MRPL33: variants seen among roughly 807,000 people sequenced by gnomAD.
The protein encoded by MRPL33 is large ribosomal subunit protein bL33m.
Under a neutral mutation model 10.1 loss-of-function variants are expected in MRPL33, and 5 were observed. That is an observed-to-expected ratio of 0.49 (90% confidence interval 0.26 to 1.04). The LOEUF (loss-of-function observed/expected upper bound fraction) is 1.04, where lower values mean the gene tolerates loss of function less well. MRPL33 is among the 50% of genes least tolerant of loss of function. MRPL33 has a pLI of 0.14. For missense variants in MRPL33, 79 were observed against 78.1 expected (o/e 1.01, Z -0.04); for synonymous variants, 24 against 27.7 (o/e 0.87, Z 0.42).
At chr2:27,772,439 G>C in intron 1 of MRPL33, 1 of 446,746 alleles carries the variant, frequency 2.2e-6, no homozygotes, top group Non-Finnish European at 3.9e-6. Context: ...ATGAAATTAT[G>C]CAAAATATTA....
rs1468121605 is a variant in MRPL33, at chr2:27,779,536, A to G, written c.*54A>G. On this transcript the variant is annotated 3_prime_UTR_variant, in exon 4 of 4. Coordinates refer to ENST00000296102, the MANE Select transcript of MRPL33 (RefSeq NM_004891.4). ...TAAAGAGAAGACTGAGGGCGGGGAT[A>G]CTGATTCAGAAATCCTGTAGCGTGT... The G allele has an allele frequency of 1.9e-6, 3 of 1,611,556 alleles. No individual in the cohort carries two copies. The African/African-American group carries it at 4.0e-5, about 22-fold the overall frequency.
chr2:27,775,465 C>T (rs895473097), intron 3 of MRPL33, among the ~76,000 whole-genome samples: 2 of 150,490 alleles, frequency 1.3e-5, no homozygotes, highest in Non-Finnish European at 1.5e-5. Flanking sequence ...GATTCTCCTG[C>T]TTCAGCCTCC....
chr2:27,772,789 G>A (rs1363816336), intron 2 of MRPL33, 97 bp downstream of exon 2: 3 of 955,766 alleles, frequency 3.1e-6, no homozygotes, highest in African/African-American at 3.4e-5. Flanking sequence ...ATTAAGCATT[G>A]GGCCTTGATT....
rs567419524 is a variant in MRPL33 at position 27,778,022 on chromosome 2, C to T, written c.149-1411C>T. 3.3e-4 allele frequency among the ~76,000 whole-genome samples: 50 copies of T among 152,346 alleles called. No individual in the cohort carries two copies. The South Asian group carries it at 7.0e-3, about 21-fold the overall frequency. ...GTTTTAGGAGGATCAATCCTACTTA[C>T]ATTTCACATGATTTGAAGTATGTTA... On this transcript the variant is annotated intron_variant, in intron 3 of 3. Transcript: ENST00000296102.
Position 27,772,699 on chromosome 2 carries a change from AAAGAT to A in MRPL33, c.41+8_41+12del. The A allele has an allele frequency of 6.2e-7, 1 of 1,600,382 alleles. No homozygotes were observed. The highest frequency in any genetic ancestry group is 8.5e-7 in the Non-Finnish European group (1 of 1,170,438). ...TTGCCAAGAGCAAGTCAAAGTAAGT[AAAGAT>A]TTTTCCTTTTTTAAACGTCACTTGT... On this transcript the variant is annotated splice_region_variant and intron_variant, in intron 2 of 3. Transcript: ENST00000296102.
chr2:27,777,198 G>C (rs1352106699), intron 3 of MRPL33, among the ~76,000 whole-genome samples: 1 of 151,894 alleles, frequency 6.6e-6, no homozygotes, highest in African/African-American at 2.4e-5. Flanking sequence ...TTAAAAATAG[G>C]TTTTTGGTTT....
In MRPL33 at chr2:27,779,700, A is replaced by G. The variant is rs560702150; in HGVS notation, c.*218A>G. ...ATCACATTTATTTATCTTTCTGGGT[A>G]TTTTTATAGCCCTTAATAAAAAATA... On this transcript the variant is annotated 3_prime_UTR_variant, in exon 4 of 4. Coordinates refer to ENST00000296102, the MANE Select transcript of MRPL33 (RefSeq NM_004891.4). 14 of 825,348 alleles carry G rather than the reference A, an allele frequency of 1.7e-5. No homozygotes were observed. Among genetic ancestry groups the G allele is most frequent in the Non-Finnish European group, 2.5e-5 (14 of 569,002 alleles). The allele number at this position is 825,348 out of a possible 1,614,324, so 51.1% of individuals were successfully genotyped here.
rs1677181521 is a variant in MRPL33, at chr2:27,776,739, AT to A, written c.148+2213del. Among the ~76,000 whole-genome samples, 4 of 152,364 alleles carry A rather than the reference AT, an allele frequency of 2.6e-5. No individual in the cohort carries two copies. In the South Asian group the frequency reaches 8.3e-4, roughly 32 times the overall value. On this transcript the variant is annotated intron_variant, in intron 3 of 3. Coordinates refer to ENST00000296102, the MANE Select transcript of MRPL33 (RefSeq NM_004891.4). ...ATAGACTGTAATTGAAGCAGAATCG[AT>A]TTTGGTTAGATGTAGGGAGAGAACT...
Position 27,779,570 on chromosome 2 carries a change from A to G in MRPL33, c.*88A>G. The stretch of plus-strand genomic sequence containing the variant: ...GAAATCCTGTAGCGTGTAATAAAAG[A>G]AGAGGAAATGGCATGGAATCACTGC... On this transcript the variant is annotated 3_prime_UTR_variant, in exon 4 of 4. Transcript: ENST00000296102. 9 of 1,592,934 alleles carry G rather than the reference A, an allele frequency of 5.6e-6. No homozygotes were observed. Among genetic ancestry groups the G allele is most frequent in the Non-Finnish European group, 7.7e-6 (9 of 1,174,176 alleles).
At position 27,771,795 on chromosome 2, in the gene MRPL33, C is replaced by G. The variant is rs1333655643; in HGVS notation, c.18C>G (p.Val6=). 21 of 1,613,796 alleles carry G rather than the reference C, an allele frequency of 1.3e-5. No individual in the cohort carries two copies. The highest frequency in any genetic ancestry group is 5.3e-5 in the African/African-American group (4 of 74,932). Residue 6 remains valine (V), a synonymous_variant, in exon 1 of 4, where the codon GTC becomes GTG. Transcript: ENST00000296102. MFLSA[V]FFAKSKSKNI... ...TGGTCACCATGTTCCTCTCCGCGGTCTTCTGTAAGTGGGGCTGGAGACGCC... is the reference window on the plus strand; with the variant it reads ...TGGTCACCATGTTCCTCTCCGCGGTGTTCTGTAAGTGGGGCTGGAGACGCC...
intron 1 of MRPL33, 197 bp downstream of exon 1, chr2:27,771,996 A>T: frequency 1.7e-6 from 1 of 603,276 alleles, no homozygotes; most frequent in South Asian, 2.0e-5. Context: ...TGGGTGCCTG[A>T]GAAGGGGTCT....
Position 27,779,637 on chromosome 2 carries a change from T to C in MRPL33, c.*155T>C. ...GCCATTGTGAAGGAAAACAATGCAG[T>C]GAAAGAAAGTTCTTCATATTAGGAC... is the stretch of plus-strand genomic sequence containing the variant. On this transcript the variant is annotated 3_prime_UTR_variant, in exon 4 of 4. Coordinates refer to ENST00000296102, the MANE Select transcript of MRPL33 (RefSeq NM_004891.4). The C allele has an allele frequency of 3.4e-6, 5 of 1,461,440 alleles. No homozygotes were observed. The South Asian group carries it at 6.7e-5, about 20-fold the overall frequency. 90.5% of individuals were successfully genotyped at this position (1,461,440 alleles called of 1,614,324 possible). A position where few individuals can be genotyped will look rare whatever the true frequency, so the allele number is the denominator to read the frequency against.
chr2:27,774,625 A>C (rs1210148875), intron 3 of MRPL33, 95 bp downstream of exon 3: 2 of 879,130 alleles, frequency 2.3e-6, no homozygotes, highest in East Asian at 4.9e-5. Flanking sequence ...AGCCTCTGAC[A>C]CTAGCATTCA....
chr2:27,772,831 G>C (rs1677078735), intron 2 of MRPL33, 139 bp downstream of exon 2: 1 of 651,564 alleles, frequency 1.5e-6, no homozygotes, highest in South Asian at 2.1e-5. Flanking sequence ...TTACTTAGTT[G>C]ATTATTTTTT....
At position 27,771,723 on chromosome 2, in the gene MRPL33, G is replaced by A; in HGVS notation, c.-55G>A. ...ACCGGGCCGTGCCCCGGAAGCAGTT[G>A]TTGTTGGTTGGGGGCCTTTTGGCCG... On this transcript the variant is annotated 5_prime_UTR_variant, in exon 1 of 4. Transcript: ENST00000296102. 1 of 1,611,054 alleles carries A rather than the reference G, an allele frequency of 6.2e-7. No individual in the cohort carries two copies. The highest frequency in any genetic ancestry group is 8.5e-7 in the Non-Finnish European group (1 of 1,177,588).
intron 3 of MRPL33, among the ~76,000 whole-genome samples, chr2:27,777,838 G>C (rs577045610): frequency 3.0e-4 from 45 of 152,212 alleles, no homozygotes; most frequent in African/African-American, 1.0e-3. Flanking sequence ...GCTTTTCAGT[G>C]AGACAACCCC....
At position 27,778,130 on chromosome 2, in the gene MRPL33, CAATT is replaced by C. The variant is rs1051910754; in HGVS notation, c.149-1302_149-1299del. Among the ~76,000 whole-genome samples the C allele has an allele frequency of 5.9e-5, 9 of 152,152 alleles. No individual in the cohort carries two copies. In the South Asian group the frequency reaches 8.3e-4, roughly 14 times the overall value. On this transcript the variant is annotated intron_variant, in intron 3 of 3. Transcript: ENST00000296102. ...ATGATTCTTAAATTCAGCTGCCCAT[CAATT>C]GAGTAGTTTTAAAAAATGTAGACTT...
chr2:27,773,446 G>A (rs540148895), intron 2 of MRPL33, among the ~76,000 whole-genome samples: 1 of 152,250 alleles, frequency 6.6e-6, no homozygotes, highest in African/African-American at 2.4e-5. Context: ...CCTGCCCCAG[G>A]GATCTATAGG....
chr2:27,774,666 G>C (rs1677115832), intron 3 of MRPL33, 136 bp downstream of exon 3: 1 of 672,004 alleles, frequency 1.5e-6, no homozygotes, highest in Non-Finnish European at 2.6e-6. Context: ...TGATTGTTAT[G>C]ATGCTATTTA....
Sources: allele counts gnomAD v4.1 joint callset (sites outside exome capture counted in the v4.1 genomes callset), GRCh38; gene constraint gnomAD v4.1.1; transcripts MANE v1.5; gene names NCBI Gene and HGNC (gene_info 2026-07-23, HGNC 2026-07-21).